CDK17: variants seen among roughly 807,000 people sequenced by gnomAD.
CDK17 encodes cyclin dependent kinase 17.
In CDK17, 24 loss-of-function variants were observed where a neutral mutation model predicts 77.6. The ratio of observed to expected loss-of-function variants is 0.31; its 90% CI spans 0.22 to 0.44. The LOEUF (loss-of-function observed/expected upper bound fraction) is 0.44, where lower values mean the gene tolerates loss of function less well. CDK17 is among the 20% of genes least tolerant of loss of function. The pLI, the probability that CDK17 is intolerant of heterozygous loss-of-function variation, is 1.00. For synonymous variants in CDK17, 203 were observed against 210.4 expected, an observed-to-expected ratio of 0.96 and a Z score of 0.30; for missense variants, 429 against 622.5, an observed-to-expected ratio of 0.69 and a Z score of 3.31.
At chr12:96,385,943 G>A (rs903770159) in intron 1 of CDK17, among the ~76,000 whole-genome samples, 4 of 151,974 alleles carry the variant, frequency 2.6e-5, no homozygotes, top group Non-Finnish European at 4.4e-5. Context: ...GCCAACTCCC[G>A]GTAAAACTAA....
At chr12:96,369,729 A>G (rs1163613113) in intron 1 of CDK17, among the ~76,000 whole-genome samples, 3 of 152,234 alleles carry the variant, frequency 2.0e-5, no homozygotes, top group Non-Finnish European at 4.4e-5. Context: ...CAGTGAGCCA[A>G]GATGGGGCCA....
chr12:96,291,628 C>CTTT (rs1164677307), intron 10 of CDK17, among the ~76,000 whole-genome samples: 33 of 117,768 alleles, frequency 2.8e-4, no homozygotes, highest in South Asian at 5.9e-4. Flanking sequence ...ATTCCTTTTG[C>CTTT]TTTTTTTTTT....
At chr12:96,346,392 C>CT (rs1953211522) in intron 1 of CDK17, among the ~76,000 whole-genome samples, 3 of 151,596 alleles carry the variant, frequency 2.0e-5, no homozygotes, top group Non-Finnish European at 4.4e-5. Flanking sequence ...GTGGAGGTTG[C>CT]AGTAAGCTGA....
At chr12:96,342,495 G>A (rs1284754623) in intron 1 of CDK17, among the ~76,000 whole-genome samples, 1 of 152,130 alleles carries the variant, frequency 6.6e-6, no homozygotes, top group African/African-American at 2.4e-5. Context: ...CTGGGAGGTG[G>A]AGGTTGCAAT....
chr12:96,390,153 ATTTT>A (rs199749035), intron 1 of CDK17, among the ~76,000 whole-genome samples: 1 of 129,322 alleles, frequency 7.7e-6, no homozygotes, highest in Non-Finnish European at 1.6e-5. Flanking sequence ...TTAAAACTCA[ATTTT>A]TTTTTTTTTT....
intron 14 of CDK17, 99 bp from the exon 15 acceptor site, chr12:96,282,698 CTTGA>C: frequency 1.4e-6 from 1 of 715,342 alleles, no homozygotes; most frequent in African/African-American, 1.8e-5. Context: ...TAAAAAAAAT[CTTGA>C]TTATTTAATA....
intron 1 of CDK17, among the ~76,000 whole-genome samples, chr12:96,354,719 G>A (rs933843874): frequency 1.3e-4 from 20 of 151,690 alleles, no homozygotes; most frequent in Admixed American, 2.6e-4. Flanking sequence ...CTCCTCTTAG[G>A]AAAAAAAATT....
chr12:96,312,372 G>T (rs1412438665), intron 4 of CDK17, among the ~76,000 whole-genome samples: 1 of 152,022 alleles, frequency 6.6e-6, no homozygotes, highest in Non-Finnish European at 1.5e-5. Context: ...CGAAGAATGA[G>T]AAACTCCAGA....
chr12:96,364,260 C>T (rs1487818090), intron 1 of CDK17, among the ~76,000 whole-genome samples: 1 of 152,168 alleles, frequency 6.6e-6, no homozygotes, highest in Non-Finnish European at 1.5e-5. Flanking sequence ...GTCTTCCTTT[C>T]TGTTGGGTAA....
At chr12:96,327,815 A>C (rs1266370388) in intron 2 of CDK17, among the ~76,000 whole-genome samples, 3 of 152,066 alleles carry the variant, frequency 2.0e-5, no homozygotes, top group Non-Finnish European at 4.4e-5. Context: ...CTCCCAAAGC[A>C]CTGGGATTAC....
chr12:96,315,036 T>C (rs1227856381), intron 3 of CDK17, among the ~76,000 whole-genome samples: 4 of 152,214 alleles, frequency 2.6e-5, no homozygotes, highest in Non-Finnish European at 5.9e-5. Flanking sequence ...CTTAACCAAC[T>C]GTCTGGCACT....
Position 96,340,949 on chromosome 12 carries a change from C to T in CDK17, c.-29-6084G>A, listed in dbSNP as rs566132375. Among the ~76,000 whole-genome samples, 23 of 152,118 alleles carry T rather than the reference C, an allele frequency of 1.5e-4. No individual in the cohort carries two copies. The South Asian group carries it at 3.3e-3, about 22-fold the overall frequency. On this transcript the variant is annotated intron_variant, in intron 1 of 16. Transcript: ENST00000261211. ...AGATTATTCTGTCACCAAAGTAGTA[C>T]GTATAGTACCCAATAGGTAGTTTTT...
chr12:96,301,057 C>T (rs1002225947), intron 5 of CDK17, among the ~76,000 whole-genome samples: 1 of 151,936 alleles, frequency 6.6e-6, no homozygotes, highest in Admixed American at 6.6e-5. Flanking sequence ...TATTTTCTCC[C>T]TCACCAATCT....
intron 6 of CDK17, 59 bp from the exon 7 acceptor site, chr12:96,299,042 A>G (rs1437303553): frequency 6.5e-6 from 5 of 764,906 alleles, no homozygotes; most frequent in Non-Finnish European, 1.1e-5. Flanking sequence ...ATTTAATACC[A>G]TCTTATAATA....
intron 1 of CDK17, among the ~76,000 whole-genome samples, chr12:96,338,458 G>C (rs1275772457): frequency 2.0e-5 from 3 of 152,182 alleles, no homozygotes; most frequent in African/African-American, 7.2e-5. Context: ...CACACTCCAA[G>C]AAATCTACGT....
chr12:96,384,688 A>G (rs1000602054), intron 1 of CDK17, among the ~76,000 whole-genome samples: 1 of 152,200 alleles, frequency 6.6e-6, no homozygotes, highest in Non-Finnish European at 1.5e-5. Flanking sequence ...GTTCTCACTT[A>G]TATTTGGGAG....
intron 1 of CDK17, among the ~76,000 whole-genome samples, chr12:96,337,966 A>G (rs996556360): frequency 6.6e-6 from 1 of 152,214 alleles, no homozygotes; most frequent in African/African-American, 2.4e-5. Flanking sequence ...GTGTCTCTAC[A>G]TAACTGACAC....
At chr12:96,321,936 G>A (rs563203691) in intron 3 of CDK17, among the ~76,000 whole-genome samples, 2 of 150,026 alleles carry the variant, frequency 1.3e-5, no homozygotes, top group Non-Finnish European at 3.0e-5. Flanking sequence ...ATGTGCACAT[G>A]TACCCTAAAA....
intron 3 of CDK17, among the ~76,000 whole-genome samples, chr12:96,319,902 C>A (rs1452460359): frequency 2.4e-4 from 35 of 147,066 alleles, no homozygotes; most frequent in Admixed American, 2.4e-3. Flanking sequence ...GACAGGGATG[C>A]CTTCTCTCAC....
Sources: gnomAD v4.1 joint callset for allele counts (sites outside exome capture counted in the v4.1 genomes callset) on GRCh38, gnomAD v4.1.1 for gene constraint, MANE v1.5 for transcripts, NCBI Gene and HGNC (gene_info 2026-07-23, HGNC 2026-07-21) for gene names.